TTC7A: variants seen among roughly 807,000 people sequenced by gnomAD.
TTC7A encodes tetratricopeptide repeat domain 7A, also known as tetratricopeptide repeat protein 7A.
In TTC7A, 110 loss-of-function variants were observed where a neutral mutation model predicts 103.7. That is an observed-to-expected ratio of 1.06 (90% CI 0.91 to 1.24). TTC7A has a LOEUF of 1.24. Among genes scored for constraint, TTC7A ranks in the 50% most tolerant of loss-of-function variants. TTC7A has a pLI of 0.00. For missense variants in TTC7A, 1,340 were observed against 1,116.3 expected (o/e 1.20, Z -2.86); for synonymous variants, 521 against 467.9 (o/e 1.11, Z -1.47).
At chr2:47,051,651 C>A in intron 17 of TTC7A, 95 bp from the exon 18 acceptor site, 9 of 1,461,296 alleles carry the variant, frequency 6.2e-6, no homozygotes, top group Non-Finnish European at 8.2e-6. Context: ...TTCAGGGTGC[C>A]CTGTCTCCCC....
intron 3 of TTC7A, among the ~76,000 whole-genome samples, chr2:46,964,226 C>G (rs1672639598): frequency 6.6e-6 from 1 of 152,202 alleles, no homozygotes. Context: ...GAGGATGAAT[C>G]ACCTACAGTT....
In TTC7A at chr2:47,060,980, G is replaced by A; in HGVS notation, c.2355+9G>A. On this transcript the variant is annotated intron_variant, in intron 19 of 19. Coordinates refer to ENST00000319190, the MANE Select transcript of TTC7A (RefSeq NM_020458.4). ...GCATCATGCATAGCCTGGTGAGTCA[G>A]AGCCCCCCGCGCTCCCACCACCTCC... 1 of 1,592,178 alleles carries A rather than the reference G, an allele frequency of 6.3e-7. No individual in the cohort carries two copies. The highest frequency in any genetic ancestry group is 8.6e-7 in the Non-Finnish European group (1 of 1,167,792).
chr2:47,051,510 T>C (rs905302697), intron 17 of TTC7A, among the ~76,000 whole-genome samples: 1 of 152,226 alleles, frequency 6.6e-6, no homozygotes, highest in African/African-American at 2.4e-5. Context: ...GAATAGATCC[T>C]AGTGGGATCT....
At chr2:47,031,665 C>G (rs936360169) in intron 15 of TTC7A, among the ~76,000 whole-genome samples, 3 of 152,228 alleles carry the variant, frequency 2.0e-5, no homozygotes, top group Non-Finnish European at 4.4e-5. Context: ...TCTGATGGAG[C>G]CAAGGAAGGT....
intron 19 of TTC7A, 95 bp from the exon 20 acceptor site, chr2:47,073,607 G>T: frequency 9.6e-7 from 1 of 1,045,828 alleles, no homozygotes; most frequent in Non-Finnish European, 1.5e-6. Context: ...CGAGCTGATG[G>T]CTGCTGCCAC....
chr2:46,958,603 A>G (rs1672103119), intron 3 of TTC7A: 1 of 1,245,322 alleles, frequency 8.0e-7, no homozygotes, highest in Admixed American at 2.5e-5. Context: ...AGGCTGTGCT[A>G]GCTCCCGTTC....
In TTC7A at chr2:47,072,013, ATT is replaced by A. The variant is rs534076981; in HGVS notation, c.2356-1686_2356-1685del. The stretch of plus-strand genomic sequence containing the variant: ...TCAAACCCTCCATTTTTGGTGCTTA[ATT>A]TTGTGTCTGGCGGCCCGTCGGCTGG... On this transcript the variant is annotated intron_variant, in intron 19 of 19. Transcript: ENST00000319190. Among the ~76,000 whole-genome samples, 26 of 152,084 alleles carry A rather than the reference ATT, an allele frequency of 1.7e-4. No individual in the cohort carries two copies. The East Asian group carries it at 4.7e-3, about 27-fold the overall frequency.
At chr2:47,053,172 G>C (rs76476016) in intron 18 of TTC7A, among the ~76,000 whole-genome samples, 21,310 of 151,878 alleles carry the variant, frequency 0.14, 2,539 homozygotes, top group East Asian at 0.62. Context: ...TCGGATGCTG[G>C]GGGTGGGCGG....
At chr2:47,001,209 T>C (rs1267207356) in intron 8 of TTC7A, among the ~76,000 whole-genome samples, 1 of 152,162 alleles carries the variant, frequency 6.6e-6, no homozygotes, top group Admixed American at 6.5e-5. Context: ...CCTGTTTATG[T>C]CCAGGGTTAG....
intron 1 of TTC7A, among the ~76,000 whole-genome samples, chr2:46,949,235 A>G (rs780427102): frequency 2.6e-5 from 4 of 152,156 alleles, no homozygotes; most frequent in South Asian, 2.1e-4. Flanking sequence ...GCAGTATATT[A>G]TCTTTATTTT....
At chr2:46,994,781 C>G (rs1459552455) in intron 7 of TTC7A, among the ~76,000 whole-genome samples, 1 of 152,230 alleles carries the variant, frequency 6.6e-6, no homozygotes, top group African/African-American at 2.4e-5. Flanking sequence ...TTGTCTGATA[C>G]ACCTCTCTCT....
intron 19 of TTC7A, among the ~76,000 whole-genome samples, chr2:47,072,849 T>C (rs981776502): frequency 5.9e-5 from 9 of 152,308 alleles, no homozygotes; most frequent in Admixed American, 2.0e-4. Context: ...CTGTCCACCC[T>C]ACCCACTTCC....
chr2:46,949,977 A>AT (rs1438533225), intron 1 of TTC7A, among the ~76,000 whole-genome samples: 1 of 152,178 alleles, frequency 6.6e-6, no homozygotes, highest in Non-Finnish European at 1.5e-5. Context: ...CACTTCATGT[A>AT]TTTTTTCTCT....
chr2:47,049,349 TC>T lies in TTC7A; in HGVS notation c.1920-593del, dbSNP rs531502300. ...CCCACTCTGTGAAAAGAGGAACCCC[TC>T]CCCCCCGCCAGCAGTATAGCAGCAG... On this transcript the variant is annotated intron_variant, in intron 16 of 19. Transcript: ENST00000319190. Among the ~76,000 whole-genome samples, 463 of 150,794 alleles carry T rather than the reference TC, an allele frequency of 3.1e-3. 2 individuals carry two copies. Among genetic ancestry groups the T allele is most frequent in the Non-Finnish European group, 2.7e-3 (181 of 67,658 alleles).
At chr2:47,023,276 G>A (rs1679490976) in intron 12 of TTC7A, 132 bp from the exon 13 acceptor site, 2 of 903,230 alleles carry the variant, frequency 2.2e-6, no homozygotes, top group African/African-American at 1.7e-5. Context: ...GGCTGCTGGA[G>A]TTTGAAGTTT....
chr2:46,956,660 G>A (rs1180537009), intron 2 of TTC7A, 179 bp from the exon 3 acceptor site: 2 of 637,886 alleles, frequency 3.1e-6, no homozygotes, highest in South Asian at 3.7e-5. Flanking sequence ...AATGTAGGCT[G>A]CAGACCATGG....
chr2:47,025,760 C>T (rs193231053), intron 14 of TTC7A, among the ~76,000 whole-genome samples: 1 of 152,126 alleles, frequency 6.6e-6, no homozygotes, highest in African/African-American at 2.4e-5. Flanking sequence ...CACTGCCCCT[C>T]CCCCTGTGAC....
chr2:47,012,957 T>C lies in TTC7A; in HGVS notation c.1392+1522T>C, dbSNP rs553830055. 2.6e-5 allele frequency among the ~76,000 whole-genome samples: 4 copies of C among 152,336 alleles called. No individual in the cohort carries two copies. In the East Asian group the frequency reaches 5.8e-4, roughly 22 times the overall value. ...GAATTACGTGAGATCAGTCCTGTAA[T>C]GGGCTCTGGGCTTTGGAAGGAGCAG... On this transcript the variant is annotated intron_variant, in intron 11 of 19. Transcript: ENST00000319190.
At chr2:47,069,245 T>C (rs736147) in intron 19 of TTC7A, among the ~76,000 whole-genome samples, 122,217 of 151,618 alleles carry the variant, frequency 0.81, 49,477 homozygotes, top group East Asian at 0.93. Context: ...TTCTTGGAGG[T>C]TCGTCAGGCT....
Sources: allele counts gnomAD v4.1 joint callset (sites outside exome capture counted in the v4.1 genomes callset), GRCh38; gene constraint gnomAD v4.1.1; transcripts MANE v1.5; gene names NCBI Gene and HGNC (gene_info 2026-07-23, HGNC 2026-07-21).